TLK1: variants seen among roughly 807,000 people sequenced by gnomAD.
TLK1 encodes serine/threonine-protein kinase tousled-like 1.
A neutral mutation model predicts 105.3 loss-of-function variants in TLK1; 24 were observed. The ratio of observed to expected loss-of-function variants is 0.23; its 90% CI spans 0.17 to 0.32. The LOEUF is 0.32. Among genes scored for constraint, TLK1 ranks in the 10% least tolerant of loss-of-function variants. The pLI is 1.00. For missense variants in TLK1, 558 were observed against 910.5 expected, an observed-to-expected ratio of 0.61 and a Z score of 4.98; for synonymous variants, 321 against 310.4, an observed-to-expected ratio of 1.03 and a Z score of -0.36.
chr2:171,044,979 G>A (rs898121082), intron 11 of TLK1, among the ~76,000 whole-genome samples: 53 of 152,230 alleles, frequency 3.5e-4, no homozygotes, highest in Admixed American at 1.0e-3. Flanking sequence ...CTTTGAAGAA[G>A]CCTAGTTATG....
intron 10 of TLK1, among the ~76,000 whole-genome samples, chr2:171,047,269 T>C (rs1303374746): frequency 6.6e-6 from 1 of 152,188 alleles, no homozygotes; most frequent in Non-Finnish European, 1.5e-5. Context: ...TAAAACCAAC[T>C]TATCATACAA....
At chr2:171,106,464 T>A (rs1353430152) in intron 2 of TLK1, among the ~76,000 whole-genome samples, 2 of 152,172 alleles carry the variant, frequency 1.3e-5, no homozygotes, top group Non-Finnish European at 2.9e-5. Flanking sequence ...ATATGTACAA[T>A]TACTCTATCA....
intron 1 of TLK1, among the ~76,000 whole-genome samples, chr2:171,222,581 C>T (rs919664052): frequency 6.6e-6 from 1 of 152,102 alleles, no homozygotes; most frequent in South Asian, 2.1e-4. Flanking sequence ...ATCCACCCCC[C>T]TCTGCCTCCC....
chr2:171,223,124 T>C lies in TLK1; in HGVS notation c.-6+8021A>G, dbSNP rs141325728. Among the ~76,000 whole-genome samples the C allele has an allele frequency of 1.1e-3, 163 of 152,280 alleles. 1 individual carries two copies. Among genetic ancestry groups the C allele is most frequent in the Non-Finnish European group, 2.6e-4 (18 of 68,026 alleles). ...GCCACTGTGCCCAGCCTAAGATATGTCTTTGATATTCTGATTTACTTTCTT... is the reference window on the plus strand; with the variant it reads ...GCCACTGTGCCCAGCCTAAGATATGCCTTTGATATTCTGATTTACTTTCTT... On this transcript the variant is annotated intron_variant, in intron 1 of 20. Transcript: ENST00000521943.
chr2:171,103,531 C>T (rs1024205611), intron 2 of TLK1, among the ~76,000 whole-genome samples: 1 of 151,956 alleles, frequency 6.6e-6, no homozygotes, highest in African/African-American at 2.4e-5. Context: ...CATGAGCCAC[C>T]GCTCTTGACC....
intron 13 of TLK1, among the ~76,000 whole-genome samples, chr2:171,014,348 GGAAAT>G (rs1685069929): frequency 6.6e-6 from 1 of 151,500 alleles, no homozygotes; most frequent in African/African-American, 2.4e-5. Flanking sequence ...TATTAAAAGA[GGAAAT>G]GAAGAAGCAG....
intron 1 of TLK1, among the ~76,000 whole-genome samples, chr2:171,216,407 T>C (rs1052767768): frequency 2.0e-5 from 3 of 151,354 alleles, no homozygotes; most frequent in African/African-American, 7.3e-5. Flanking sequence ...ACCCGGGAGG[T>C]GGAGCTTGCA....
intron 1 of TLK1, among the ~76,000 whole-genome samples, chr2:171,227,130 A>T (rs1693911547): frequency 6.6e-6 from 1 of 152,068 alleles, no homozygotes; most frequent in Non-Finnish European, 1.5e-5. Context: ...CTATTGGTAA[A>T]AGTGTCCCAA....
intron 8 of TLK1, among the ~76,000 whole-genome samples, chr2:171,052,264 G>A (rs747499249): frequency 5.9e-5 from 9 of 151,876 alleles, no homozygotes; most frequent in African/African-American, 1.5e-4. Context: ...GTCACTTAGC[G>A]GGGGAAAAAA....
intron 1 of TLK1, among the ~76,000 whole-genome samples, chr2:171,188,405 A>T (rs984319943): frequency 3.3e-5 from 5 of 151,852 alleles, no homozygotes; most frequent in Non-Finnish European, 7.4e-5. Flanking sequence ...CCCCATCTCT[A>T]CTAAAAACAC....
At position 171,227,278 on chromosome 2, in the gene TLK1, T is replaced by C. The variant is rs375522090; in HGVS notation, c.-6+3867A>G. Among the ~76,000 whole-genome samples the C allele has an allele frequency of 1.1e-4, 16 of 152,210 alleles. No individual in the cohort carries two copies. The East Asian group carries it at 1.5e-3, about 15-fold the overall frequency. The stretch of plus-strand genomic sequence containing the variant: ...CCTGACCTCATGATTGGTTCAGAGA[T>C]GGGCATGTGACTCAACTTGGGCCAA... On this transcript the variant is annotated intron_variant, in intron 1 of 20. Coordinates refer to the TLK1 transcript ENST00000521943.
At chr2:171,078,816 G>A (rs1467127387) in intron 3 of TLK1, among the ~76,000 whole-genome samples, 2 of 152,192 alleles carry the variant, frequency 1.3e-5, no homozygotes, top group Non-Finnish European at 2.9e-5. Flanking sequence ...AAAGAAGGCT[G>A]TATTCCTTAA....
At position 171,160,217 on chromosome 2, in the gene TLK1, C is replaced by A; in HGVS notation, c.139+73G>T. 1.0e-6 allele frequency: 1 copy of A among 958,284 alleles called. No homozygotes were observed. The allele number at this position is 958,284 out of a possible 1,614,324, so 59.4% of individuals were successfully genotyped here. ...CGGAGAAGCCCCGGGGCGGGGGGGG[C>A]GGGGGGGGGGCGCGGGGGTCCGCGG... On this transcript the variant is annotated intron_variant, in intron 1 of 20. Transcript: ENST00000431350. This position sits in a 1 kb window ranked among gnomAD's most constrained non-coding sequence, Gnocchi z 4.4.
intron 3 of TLK1, among the ~76,000 whole-genome samples, chr2:171,081,094 T>C (rs367671189): frequency 1.3e-5 from 2 of 152,198 alleles, no homozygotes; most frequent in Non-Finnish European, 2.9e-5. Flanking sequence ...ATTAACCAAA[T>C]TGTGTTTCAT....
At chr2:171,019,678 C>A (rs1347071193) in intron 12 of TLK1, among the ~76,000 whole-genome samples, 1 of 152,082 alleles carries the variant, frequency 6.6e-6, no homozygotes, top group Non-Finnish European at 1.5e-5. Context: ...TGCCTATAAC[C>A]TATGGGAGTT....
Position 171,148,092 on chromosome 2 carries a change from G to A in TLK1, c.139+12198C>T, listed in dbSNP as rs72489021. Among the ~76,000 whole-genome samples, 1,228 of 152,144 alleles carry A rather than the reference G, an allele frequency of 8.1e-3. 125 individuals are homozygous for A. In the East Asian group the frequency reaches 0.21, roughly 26 times the overall value. ...TTTTTACTTGAGATGGGGTTTCACC[G>A]TGTTAGCCTGGATGGTCTTGATCTC... On this transcript the variant is annotated intron_variant, in intron 1 of 20. Coordinates refer to ENST00000431350, the MANE Select transcript of TLK1 (RefSeq NM_012290.5).
intron 1 of TLK1, among the ~76,000 whole-genome samples, chr2:171,126,798 A>T (rs1690884541): frequency 6.6e-6 from 1 of 151,906 alleles, no homozygotes; most frequent in African/African-American, 2.4e-5. Flanking sequence ...TGATTTATAG[A>T]GAACAGTTAA....
At chr2:171,006,927 C>A (rs762810249) in intron 15 of TLK1, 38 bp from the exon 16 acceptor site, 8 of 1,602,384 alleles carry the variant, frequency 5.0e-6, no homozygotes, top group Admixed American at 1.7e-5. Flanking sequence ...CATGATCATT[C>A]AAAAAATATT....
chr2:171,066,778 T>C (rs1349487277), intron 3 of TLK1: 1 of 1,506,928 alleles, frequency 6.6e-7, no homozygotes, highest in Non-Finnish European at 9.0e-7. Context: ...TAAGGCTTTA[T>C]TTGTTAAACA....
Sources: gnomAD v4.1 joint callset for allele counts (sites outside exome capture counted in the v4.1 genomes callset) on GRCh38, gnomAD v4.1.1 for gene constraint, Gnocchi (gnomAD v3.1) non-coding constraint, MANE v1.5 for transcripts, NCBI Gene and HGNC (gene_info 2026-07-23, HGNC 2026-07-21) for gene names.